SNX30: variants seen among roughly 807,000 people sequenced by gnomAD.
SNX30 encodes sorting nexin family member 30.
A neutral mutation model predicts 46.4 loss-of-function variants in SNX30; 24 were observed. The observed-to-expected ratio is 0.52, with a 90% CI of 0.37 to 0.73. SNX30 has a LOEUF of 0.73. SNX30 is among the 30% of genes least tolerant of loss of function. SNX30 has a pLI of 0.00. For missense variants in SNX30, 533 were observed against 555.7 expected (o/e 0.96, Z 0.41); for synonymous variants, 189 against 211.5 (o/e 0.89, Z 0.92).
At chr9:112,768,876 C>T (rs1415797783) in intron 1 of SNX30, among the ~76,000 whole-genome samples, 1 of 151,944 alleles carries the variant, frequency 6.6e-6, no homozygotes, top group African/African-American at 2.4e-5. Context: ...AGGCTGGTCT[C>T]GAACTCCCAA....
intron 1 of SNX30, among the ~76,000 whole-genome samples, chr9:112,781,644 T>C (rs1839848486): frequency 6.6e-6 from 1 of 152,216 alleles, no homozygotes; most frequent in Admixed American, 6.5e-5. Context: ...AAAACTTTTT[T>C]TTTTTAAGAC....
intron 1 of SNX30, among the ~76,000 whole-genome samples, chr9:112,767,278 C>T (rs1337664468): frequency 2.0e-5 from 3 of 152,092 alleles, no homozygotes; most frequent in Non-Finnish European, 1.5e-5. Context: ...GTCCCCTGCC[C>T]ATTTTAAAAT....
At chr9:112,778,653 G>A (rs1042935306) in intron 1 of SNX30, among the ~76,000 whole-genome samples, 3 of 152,192 alleles carry the variant, frequency 2.0e-5, no homozygotes, top group African/African-American at 7.2e-5. Context: ...TCTCTTGATG[G>A]GGAAGTGGCC....
intron 1 of SNX30, among the ~76,000 whole-genome samples, chr9:112,758,347 TG>T (rs1310320765): frequency 2.0e-5 from 3 of 152,122 alleles, no homozygotes; most frequent in Non-Finnish European, 4.4e-5. Flanking sequence ...TTTTTTTTTT[TG>T]AGACAGTATC....
intron 7 of SNX30, among the ~76,000 whole-genome samples, 161 bp downstream of exon 7, chr9:112,851,106 G>A (rs1841017931): frequency 6.6e-6 from 1 of 152,266 alleles, no homozygotes; most frequent in East Asian, 1.9e-4. Context: ...CTATTTCTGC[G>A]AGTTCCTAGT....
chr9:112,756,956 GTCA>G (rs1839360292), intron 1 of SNX30, among the ~76,000 whole-genome samples: 1 of 152,208 alleles, frequency 6.6e-6, no homozygotes, highest in South Asian at 2.1e-4. Flanking sequence ...AATGAACACA[GTCA>G]TCATCTCATA....
chr9:112,787,571 G>A (rs1839950246), intron 1 of SNX30, among the ~76,000 whole-genome samples: 1 of 152,074 alleles, frequency 6.6e-6, no homozygotes, highest in Non-Finnish European at 1.5e-5. Flanking sequence ...TTTAGAATCT[G>A]TCGTGATTTT....
At position 112,754,579 on chromosome 9, in the gene SNX30, T is replaced by A. The variant is rs541065268; in HGVS notation, c.156+3422T>A. On this transcript the variant is annotated intron_variant, in intron 1 of 8. Transcript: ENST00000374232. ...TGCCACCACACCTGGCTAATTTTTT[T>A]ATTTTTAGTAGTGATGGGGTTTTAC... is the stretch of plus-strand genomic sequence containing the variant. Among the ~76,000 whole-genome samples, 5 of 152,164 alleles carry A rather than the reference T, an allele frequency of 3.3e-5. No individual in the cohort carries two copies. The South Asian group carries it at 1.0e-3, about 32-fold the overall frequency.
intron 3 of SNX30, among the ~76,000 whole-genome samples, chr9:112,826,447 G>T (rs1389452075): frequency 6.6e-6 from 1 of 152,144 alleles, no homozygotes; most frequent in African/African-American, 2.4e-5. Flanking sequence ...GGGGTGGTTG[G>T]ATTCGTATTT....
At chr9:112,841,338 C>T (rs1840854223) in intron 6 of SNX30, among the ~76,000 whole-genome samples, 1 of 152,172 alleles carries the variant, frequency 6.6e-6, no homozygotes, top group African/African-American at 2.4e-5. Context: ...CACTGGGAGA[C>T]ATAGCTTGTG....
intron 1 of SNX30, among the ~76,000 whole-genome samples, chr9:112,764,080 A>G (rs1018807089): frequency 2.6e-5 from 4 of 152,110 alleles, no homozygotes; most frequent in African/African-American, 7.2e-5. Context: ...AGTTATGTAT[A>G]GGGAATAAAG....
chr9:112,883,326 G>A (rs547581509), downstream of SNX30, among the ~76,000 whole-genome samples: 1 of 152,260 alleles, frequency 6.6e-6, no homozygotes, highest in Admixed American at 6.5e-5. Context: ...GGAGGTAGGA[G>A]AGGCCGCACC....
Position 112,838,507 on chromosome 9 carries a change from T to C in SNX30, c.824T>C (p.Val275Ala). 6.2e-7 allele frequency: 1 copy of C among 1,611,416 alleles called. No homozygotes were observed. Among genetic ancestry groups the C allele is most frequent in the Non-Finnish European group, 8.5e-7 (1 of 1,178,284 alleles). ...RIIKEEIEYL[V>A]ELREYGPVYS... Reference sequence around the variant, plus strand: ...TCTGTTCCCTGTTCAGAGTACCTTGTGGAGCTGAGAGAATACGGGCCTGTG... The same window carrying C: ...TCTGTTCCCTGTTCAGAGTACCTTGCGGAGCTGAGAGAATACGGGCCTGTG... The change falls in exon 6 of 9, where the codon GTG (valine) becomes GCG (alanine). Residue 275 changes from valine to alanine, a missense_variant. Transcript: ENST00000374232.
intron 7 of SNX30, among the ~76,000 whole-genome samples, chr9:112,861,544 G>T (rs907268265): frequency 6.6e-6 from 1 of 152,224 alleles, no homozygotes; most frequent in Non-Finnish European, 1.5e-5. Flanking sequence ...GTCCACTGCA[G>T]CTGGAGGAAG....
At chr9:112,850,743 G>A (rs942781478) in intron 6 of SNX30, 116 bp from the exon 7 acceptor site, 77 of 677,612 alleles carry the variant, frequency 1.1e-4, no homozygotes, top group Admixed American at 1.0e-4. Context: ...GCACATGGCT[G>A]GGCCTGGGGT....
chr9:112,851,081 A>C, intron 7 of SNX30, 136 bp downstream of exon 7: 1 of 544,238 alleles, frequency 1.8e-6, no homozygotes, highest in Non-Finnish European at 3.3e-6. Flanking sequence ...GTCCTTTTTC[A>C]CTCCCTTTTC....
chr9:112,817,594 A>G lies in SNX30; in HGVS notation c.349-111A>G, dbSNP rs1218332625. 7.0e-5 allele frequency: 46 copies of G among 660,374 alleles called. No individual in the cohort carries two copies. The East Asian group carries it at 1.1e-3, about 16-fold the overall frequency. The allele number at this position is 660,374 out of a possible 1,614,324, so 40.9% of individuals were successfully genotyped here. ...GCCATTTGGCTGTTGTGTTTGGTGG[A>G]AGGAAAATATGATCTTGCCTAGTTT... On this transcript the variant is annotated intron_variant, in intron 2 of 8. Transcript: ENST00000374232.
chr9:112,807,694 A>G (rs746727510), intron 2 of SNX30, among the ~76,000 whole-genome samples: 3 of 152,164 alleles, frequency 2.0e-5, no homozygotes, highest in Non-Finnish European at 4.4e-5. Flanking sequence ...CCACTGTGAC[A>G]TTTCCCCTCA....
At chr9:112,774,915 A>G (rs1334684927) in intron 1 of SNX30, among the ~76,000 whole-genome samples, 1 of 138,148 alleles carries the variant, frequency 7.2e-6, no homozygotes, top group African/African-American at 2.8e-5. Context: ...CGCCGTCTCG[A>G]CTCACTGCAA....
Sources: gnomAD v4.1 joint callset for allele counts (sites outside exome capture counted in the v4.1 genomes callset) on GRCh38, gnomAD v4.1.1 for gene constraint, MANE v1.5 for transcripts, NCBI Gene and HGNC (gene_info 2026-07-23, HGNC 2026-07-21) for gene names.